The following CAMTA1 variants were observed in gnomAD, a reference collection of about 807,000 sequenced individuals.
The protein encoded by CAMTA1 is calmodulin-binding transcription activator 1.
CAMTA1 carries 27 observed loss-of-function variants against 170.9 expected under a neutral mutation model. That is an observed-to-expected ratio of 0.16 (90% CI 0.12 to 0.22). The LOEUF (loss-of-function observed/expected upper bound fraction) is 0.22. Ranked by LOEUF, CAMTA1 falls within the 10% of genes least tolerant of loss-of-function variation. The pLI is 1.00. For missense variants in CAMTA1, 1,619 were observed against 2,217.2 expected (o/e 0.73, Z 5.42); for synonymous variants, 833 against 891.5 (o/e 0.93, Z 1.17).
intron 6 of CAMTA1, among the ~76,000 whole-genome samples, chr1:7,567,126 G>A (rs997592604): frequency 6.6e-6 from 1 of 152,238 alleles, no homozygotes; most frequent in Non-Finnish European, 1.5e-5. Context: ...CAGAGCAGGG[G>A]TCCGTTCCCG....
intron 3 of CAMTA1, among the ~76,000 whole-genome samples, chr1:6,863,832 TG>T (rs1195645007): frequency 6.6e-6 from 1 of 152,188 alleles, no homozygotes; most frequent in Non-Finnish European, 1.5e-5. Context: ...CCTAAAGTCT[TG>T]TTCTTTTTCA....
At chr1:7,116,308 C>T (rs1210499588) in intron 4 of CAMTA1, among the ~76,000 whole-genome samples, 1 of 152,190 alleles carries the variant, frequency 6.6e-6, no homozygotes, top group African/African-American at 2.4e-5. Flanking sequence ...AAAAATTTAA[C>T]TTAAAACCTA....
chr1:7,306,141 G>T (rs568954205), intron 5 of CAMTA1, among the ~76,000 whole-genome samples: 1 of 151,930 alleles, frequency 6.6e-6, no homozygotes, highest in Non-Finnish European at 1.5e-5. Context: ...CCTATTTAGC[G>T]ATTGTTTCTT....
At chr1:7,343,870 G>A (rs982489993) in intron 5 of CAMTA1, among the ~76,000 whole-genome samples, 1 of 152,230 alleles carries the variant, frequency 6.6e-6, no homozygotes, top group Non-Finnish European at 1.5e-5. Flanking sequence ...TTGATGTGTA[G>A]CTAGAGTTCA....
chr1:6,921,837 G>A (rs1484691567), intron 3 of CAMTA1, among the ~76,000 whole-genome samples: 1 of 152,184 alleles, frequency 6.6e-6, no homozygotes, highest in Non-Finnish European at 1.5e-5. Context: ...CGCTAATTCA[G>A]TCTTCTCCCA....
chr1:7,704,011 A>AGCC (rs1255166313), intron 11 of CAMTA1, among the ~76,000 whole-genome samples: 1 of 151,846 alleles, frequency 6.6e-6, no homozygotes, highest in Non-Finnish European at 1.5e-5. Flanking sequence ...CCAAAGCCGG[A>AGCC]GCCGCCGCCA....
At chr1:6,966,666 A>C (rs1044230641) in intron 3 of CAMTA1, among the ~76,000 whole-genome samples, 1 of 140,368 alleles carries the variant, frequency 7.1e-6, no homozygotes, top group African/African-American at 2.7e-5. Context: ...CTGGAGTGCA[A>C]GTGGTGTGAT....
chr1:7,159,480 G>A (rs547218457), intron 4 of CAMTA1, among the ~76,000 whole-genome samples: 1 of 152,068 alleles, frequency 6.6e-6, no homozygotes, highest in East Asian at 1.9e-4. Context: ...TGTGCCTTCC[G>A]TTCTCCACCT....
intron 6 of CAMTA1, among the ~76,000 whole-genome samples, chr1:7,567,274 G>T (rs1393664738): frequency 3.3e-5 from 5 of 152,310 alleles, no homozygotes; most frequent in Admixed American, 3.3e-4. Flanking sequence ...TGAACCACAG[G>T]CGAAGTGTGG....
chr1:7,611,707 C>T (rs1189643479), intron 6 of CAMTA1, among the ~76,000 whole-genome samples: 1 of 152,232 alleles, frequency 6.6e-6, no homozygotes, highest in African/African-American at 2.4e-5. Flanking sequence ...CAGGCTCAGC[C>T]GGCCTTTCCC....
intron 5 of CAMTA1, among the ~76,000 whole-genome samples, chr1:7,381,939 T>G (rs1225539074): frequency 6.6e-6 from 1 of 152,144 alleles, no homozygotes; most frequent in Non-Finnish European, 1.5e-5. Flanking sequence ...AAACGATTGG[T>G]TAGAGGGTTG....
At chr1:7,159,352 C>T (rs565049517) in intron 4 of CAMTA1, among the ~76,000 whole-genome samples, 4 of 152,092 alleles carry the variant, frequency 2.6e-5, no homozygotes, top group African/African-American at 2.4e-5. Context: ...ACCTCAAGTC[C>T]GGTCACCTTC....
At chr1:7,605,983 C>T (rs1172628166) in intron 6 of CAMTA1, among the ~76,000 whole-genome samples, 1 of 152,214 alleles carries the variant, frequency 6.6e-6, no homozygotes, top group Non-Finnish European at 1.5e-5. Context: ...GTGGCTCCAT[C>T]CCTGCCCTCC....
In CAMTA1 at chr1:7,285,122, TG is replaced by T. The variant is rs142765482; in HGVS notation, c.438+35499del. 4.8e-3 allele frequency among the ~76,000 whole-genome samples: 725 copies of T among 152,326 alleles called. 7 individuals are homozygous for T. Among genetic ancestry groups the T allele is most frequent in the African/African-American group, 0.017 (694 of 41,582 alleles). The stretch of plus-strand genomic sequence containing the variant: ...TCCTAGAGAGAGATGTTCAGCCTGA[TG>T]GGAGAGAGGGATCCAAGGATAGATT... On this transcript the variant is annotated intron_variant, in intron 5 of 22. Coordinates refer to ENST00000303635, the MANE Select transcript of CAMTA1 (RefSeq NM_015215.4).
chr1:7,576,816 T>C (rs1365420184), intron 6 of CAMTA1, among the ~76,000 whole-genome samples: 1 of 151,922 alleles, frequency 6.6e-6, no homozygotes, highest in African/African-American at 2.4e-5. Context: ...GAAGGTCGGA[T>C]TGTAGGAAAG....
intron 3 of CAMTA1, among the ~76,000 whole-genome samples, chr1:6,849,578 G>A (rs74446697): frequency 6.6e-6 from 1 of 151,654 alleles, no homozygotes; most frequent in Non-Finnish European, 1.5e-5. Context: ...TGAGCAATAG[G>A]GATCAGCAGT....
intron 4 of CAMTA1, among the ~76,000 whole-genome samples, chr1:7,247,284 G>A (rs1267504751): frequency 6.6e-6 from 1 of 152,212 alleles, no homozygotes; most frequent in Non-Finnish European, 1.5e-5. Flanking sequence ...ACCAGAGGAA[G>A]GTGGGTTTCC....
At chr1:7,510,706 T>G (rs2094191727) in intron 6 of CAMTA1, among the ~76,000 whole-genome samples, 1 of 146,138 alleles carries the variant, frequency 6.8e-6, no homozygotes, top group Non-Finnish European at 1.5e-5. Flanking sequence ...CCTCCAGCCT[T>G]TCCAGAAACT....
intron 6 of CAMTA1, among the ~76,000 whole-genome samples, chr1:7,616,224 AT>A (rs1558007726): frequency 6.6e-6 from 1 of 152,262 alleles, no homozygotes; most frequent in Non-Finnish European, 1.5e-5. Flanking sequence ...TAGAGGTGCC[AT>A]TGCACAAACG....
Sources: gnomAD v4.1 joint callset for allele counts (sites outside exome capture counted in the v4.1 genomes callset) on GRCh38, gnomAD v4.1.1 for gene constraint, MANE v1.5 for transcripts, NCBI Gene and HGNC (gene_info 2026-07-23, HGNC 2026-07-21) for gene names.